SGK1: variants seen among roughly 807,000 people sequenced by gnomAD.
SGK1 encodes the protein serum/glucocorticoid regulated kinase 1.
SGK1 carries 26 observed loss-of-function variants against 64.2 expected under a neutral mutation model. That is an observed-to-expected ratio of 0.40 (90% CI 0.30 to 0.56). The LOEUF (loss-of-function observed/expected upper bound fraction) is 0.56, where lower values mean the gene tolerates loss of function less well. SGK1 is among the 20% of genes least tolerant of loss of function. SGK1 has a pLI of 0.38. For synonymous variants in SGK1, 265 were observed against 239.7 expected, an observed-to-expected ratio of 1.11 and a Z score of -0.98; for missense variants, 519 against 645.6, an observed-to-expected ratio of 0.80 and a Z score of 2.12.
chr6:134,251,492 A>G (rs1437510359), intron 2 of SGK1, among the ~76,000 whole-genome samples: 2 of 152,198 alleles, frequency 1.3e-5, no homozygotes, highest in Non-Finnish European at 2.9e-5. Context: ...CCCCAAGGGT[A>G]AGTGTAACTG....
At position 134,205,831 on chromosome 6, in the gene SGK1, TATTTC is replaced by T. The variant is rs1582709341; in HGVS notation, c.361+1520_361+1524del. The stretch of plus-strand genomic sequence containing the variant: ...ATATCAGATATCAGCGTGAGTTTTC[TATTTC>T]ATTAGACCTATTTCATTAGAAAAGG... On this transcript the variant is annotated intron_variant, in intron 3 of 13. Coordinates refer to ENST00000367858, the MANE Select transcript of SGK1 (RefSeq NM_001143676.3). 5.9e-5 allele frequency among the ~76,000 whole-genome samples: 9 copies of T among 152,356 alleles called. No homozygotes were observed. The South Asian group carries it at 1.9e-3, about 32-fold the overall frequency.
chr6:134,286,159 G>A (rs904063811), intron 1 of SGK1, among the ~76,000 whole-genome samples: 11 of 152,316 alleles, frequency 7.2e-5, no homozygotes, highest in African/African-American at 2.6e-4. Context: ...GGTTTAGTAT[G>A]TATAAAATTG....
chr6:134,238,900 A>G (rs1199729941), intron 2 of SGK1, among the ~76,000 whole-genome samples: 2 of 152,212 alleles, frequency 1.3e-5, no homozygotes, highest in Non-Finnish European at 2.9e-5. Flanking sequence ...ACGGCCACCA[A>G]TCTATTTTTC....
chr6:134,240,184 G>A (rs1388272017), intron 2 of SGK1, among the ~76,000 whole-genome samples: 2 of 151,688 alleles, frequency 1.3e-5, no homozygotes, highest in East Asian at 3.9e-4. Context: ...CCCAGCTACT[G>A]GGGAGGCTGA....
intron 11 of SGK1, chr6:134,171,398 T>A: frequency 1.6e-6 from 1 of 613,608 alleles, no homozygotes; most frequent in Non-Finnish European, 2.9e-6. Context: ...TAGATGTTAA[T>A]AAGTGGTAGT....
At chr6:134,179,787 G>A (rs1775304264) in intron 3 of SGK1, among the ~76,000 whole-genome samples, 2 of 152,090 alleles carry the variant, frequency 1.3e-5, no homozygotes, top group South Asian at 4.1e-4. Context: ...CCAAGACAGA[G>A]GTGATAATAT....
intron 2 of SGK1, among the ~76,000 whole-genome samples, chr6:134,241,674 G>A (rs1461132198): frequency 6.6e-6 from 1 of 152,224 alleles, no homozygotes; most frequent in Non-Finnish European, 1.5e-5. Context: ...AGGCTGGAGT[G>A]CAGTGGGACA....
intron 1 of SGK1, among the ~76,000 whole-genome samples, chr6:134,270,947 AATAG>A (rs1158620373): frequency 8.5e-5 from 11 of 129,944 alleles, no homozygotes; most frequent in African/African-American, 3.0e-4. Context: ...CCAAGTGTTA[AATAG>A]ATAAAGTGCA....
In SGK1 at chr6:134,204,937, TTCCC is replaced by T. The variant is rs548882084; in HGVS notation, c.361+2415_361+2418del. Among the ~76,000 whole-genome samples the T allele has an allele frequency of 1.6e-3, 230 of 148,256 alleles. 1 individual carries two copies. Among genetic ancestry groups the T allele is most frequent in the African/African-American group, 5.7e-3 (218 of 37,938 alleles). On this transcript the variant is annotated intron_variant, in intron 3 of 13. Coordinates refer to ENST00000367858, the MANE Select transcript of SGK1 (RefSeq NM_001143676.3). ...TTTCTTTTCTTTCTTCCTTCCTTCC[TTCCC>T]TCCCTCCCTCCTTTTCTTTCTTTCT...
chr6:134,212,067 T>TTG (rs1554221193), intron 2 of SGK1, among the ~76,000 whole-genome samples: 10 of 148,470 alleles, frequency 6.7e-5, no homozygotes, highest in East Asian at 4.1e-4. Context: ...TTGTTTTTTT[T>TTG]GGGGGGGACG....
chr6:134,185,555 A>AGAGTGT (rs1554219334), intron 3 of SGK1, among the ~76,000 whole-genome samples: 2 of 145,314 alleles, frequency 1.4e-5, no homozygotes, highest in Admixed American at 6.9e-5. Context: ...TATCTCTATG[A>AGAGTGT]GTGTGTGTGT....
intron 2 of SGK1, among the ~76,000 whole-genome samples, chr6:134,238,111 C>T (rs557486127): frequency 5.8e-4 from 88 of 152,298 alleles, no homozygotes; most frequent in South Asian, 1.2e-3. Context: ...AAAAGATTGA[C>T]TTCCAGCTGG....
intron 2 of SGK1, among the ~76,000 whole-genome samples, chr6:134,209,549 C>T (rs1775851318): frequency 6.6e-6 from 1 of 152,184 alleles, no homozygotes; most frequent in Admixed American, 6.5e-5. Context: ...TTGATTACTG[C>T]AAATATTCTA....
intron 3 of SGK1, among the ~76,000 whole-genome samples, chr6:134,175,272 G>A (rs1775194136): frequency 6.6e-6 from 1 of 152,254 alleles, no homozygotes; most frequent in East Asian, 1.9e-4. Context: ...CGGTGGCTTC[G>A]CTCACTGTCC....
At chr6:134,212,038 T>TTTTTTTG (rs528924345) in intron 2 of SGK1, among the ~76,000 whole-genome samples, 2 of 142,064 alleles carry the variant, frequency 1.4e-5, no homozygotes, top group African/African-American at 5.0e-5. Context: ...TTGGTTCCTG[T>TTTTTTTG]TTTTTTGTTT....
intron 2 of SGK1, among the ~76,000 whole-genome samples, chr6:134,235,612 C>T (rs1776351274): frequency 1.3e-5 from 2 of 151,246 alleles, no homozygotes; most frequent in Non-Finnish European, 2.9e-5. Flanking sequence ...CCTCCTGTTG[C>T]CCAGGCTGCA....
chr6:134,207,806 A>G (rs912843296), intron 2 of SGK1, among the ~76,000 whole-genome samples: 3 of 152,256 alleles, frequency 2.0e-5, no homozygotes, highest in Non-Finnish European at 4.4e-5. Context: ...CACTCAATAC[A>G]TAAAAAGTGT....
intron 2 of SGK1, among the ~76,000 whole-genome samples, chr6:134,216,344 A>G (rs572747320): frequency 6.6e-6 from 1 of 152,324 alleles, no homozygotes; most frequent in East Asian, 1.9e-4. Context: ...CTCAAGTTGC[A>G]TGACCAAAAG....
rs1227968951 is a variant in SGK1, at chr6:134,262,052, CT to C, written c.165del (p.Glu57SerfsTer40). ...AAGGAAGACTCGAAGTCTGGCTCCC[CT>C]GGAGGGATGTGCACCATGGAGGAGC... Reference protein sequence around the residue: ...YTGSSMVHIPPGEPDFESSLC... With the variant: ...YTGSSMVHIPXGEPDFESSLC... On this transcript the variant is annotated frameshift_variant, in exon 2 of 14. Transcript: ENST00000367858. LOFTEE classifies it high-confidence loss of function. The C allele has an allele frequency of 6.2e-7, 1 of 1,613,862 alleles. No homozygotes were observed. Among genetic ancestry groups the C allele is most frequent in the African/African-American group, 1.3e-5 (1 of 74,944 alleles).
Sources: allele counts gnomAD v4.1 joint callset (sites outside exome capture counted in the v4.1 genomes callset), GRCh38; gene constraint gnomAD v4.1.1; transcripts MANE v1.5; gene names NCBI Gene and HGNC (gene_info 2026-07-23, HGNC 2026-07-21).